The following ITGA8 variants were observed in gnomAD, a reference collection of about 807,000 sequenced individuals.
ITGA8 encodes the protein integrin alpha-8.
Under a neutral mutation model 142.3 loss-of-function variants are expected in ITGA8, and 91 were observed. The observed-to-expected ratio is 0.64, with a 90% confidence interval of 0.54 to 0.76. The LOEUF is 0.76. Among genes scored for constraint, ITGA8 ranks in the 30% least tolerant of loss-of-function variants. The pLI is 0.00. For missense variants in ITGA8, 1,406 were observed against 1,327.7 expected (o/e 1.06, Z -0.92); for synonymous variants, 505 against 485.2 (o/e 1.04, Z -0.54).
chr10:15,623,856 T>C (rs1471263280), intron 13 of ITGA8, among the ~76,000 whole-genome samples: 2 of 152,096 alleles, frequency 1.3e-5, no homozygotes, highest in African/African-American at 2.4e-5. Context: ...ACCCATGCTG[T>C]TTTGTAGCCA....
At chr10:15,705,162 G>A (rs1393615191) in intron 2 of ITGA8, among the ~76,000 whole-genome samples, 1 of 152,018 alleles carries the variant, frequency 6.6e-6, no homozygotes, top group Non-Finnish European at 1.5e-5. Context: ...AAACAGGTAG[G>A]GCCATGCTAT....
At chr10:15,712,666 G>A (rs1280350558) in intron 2 of ITGA8, among the ~76,000 whole-genome samples, 1 of 152,056 alleles carries the variant, frequency 6.6e-6, no homozygotes, top group African/African-American at 2.4e-5. Flanking sequence ...GTATCCATCA[G>A]GGCACCCCTG....
chr10:15,627,548 T>A (rs1833608008), intron 13 of ITGA8, among the ~76,000 whole-genome samples: 1 of 152,188 alleles, frequency 6.6e-6, no homozygotes, highest in African/African-American at 2.4e-5. Context: ...GAGCATCACA[T>A]GAACAATGCT....
rs148015670 is a variant in ITGA8, at chr10:15,646,907, C to G, written c.1146G>C (p.Thr382=). 12 of 1,614,086 alleles carry G rather than the reference C, an allele frequency of 7.4e-6. No homozygotes were observed. In the East Asian group the frequency reaches 2.5e-4, roughly 33 times the overall value. The change falls in exon 12 of 30, where the codon ACG becomes ACC. Residue 382 remains threonine (T), a synonymous_variant. Coordinates refer to ENST00000378076, the MANE Select transcript of ITGA8 (RefSeq NM_003638.3). ...CCATAGCACTACCGAATCTCCCAAA[C>G]GTCTCGGTGCCAGTGAGGATCTGGG... ...RDPQILTGTE[T]FGRFGSAMAH...
chr10:15,589,521 A>G (rs1452399084), intron 22 of ITGA8, among the ~76,000 whole-genome samples: 1 of 152,214 alleles, frequency 6.6e-6, no homozygotes, highest in Admixed American at 6.5e-5. Context: ...CTTGACTTCT[A>G]TTTGTGGAAA....
At chr10:15,575,765 A>G (rs1437491248) in intron 23 of ITGA8, among the ~76,000 whole-genome samples, 171 bp from the exon 24 acceptor site, 1 of 152,236 alleles carries the variant, frequency 6.6e-6, no homozygotes, top group Non-Finnish European at 1.5e-5. Context: ...GACTACAGTG[A>G]CAGTGAAGGA....
intron 1 of ITGA8, 46 bp from the exon 2 acceptor site, chr10:15,718,945 G>A (rs543307251): frequency 6.2e-6 from 10 of 1,612,990 alleles, no homozygotes; most frequent in South Asian, 1.1e-5. Context: ...CCACAAAACC[G>A]TGCGCATGCA....
chr10:15,674,962 A>G (rs1019840226), intron 6 of ITGA8, among the ~76,000 whole-genome samples: 1 of 151,684 alleles, frequency 6.6e-6, no homozygotes, highest in East Asian at 1.9e-4. Context: ...TCATAAATCT[A>G]TCTCTCCTGG....
At chr10:15,701,716 A>G (rs1233247206) in intron 2 of ITGA8, among the ~76,000 whole-genome samples, 1 of 152,212 alleles carries the variant, frequency 6.6e-6, no homozygotes, top group African/African-American at 2.4e-5. Flanking sequence ...AACTATTTAT[A>G]AAGCCCCTGA....
intron 13 of ITGA8, among the ~76,000 whole-genome samples, chr10:15,635,019 T>C (rs1289057997): frequency 6.8e-6 from 1 of 147,618 alleles, no homozygotes; most frequent in Non-Finnish European, 1.5e-5. Context: ...TTTTTTTTTT[T>C]TTTTTGGAGA....
At chr10:15,662,326 C>CTTTTTTTT (rs200922550) in intron 8 of ITGA8, among the ~76,000 whole-genome samples, 27 of 72,722 alleles carry the variant, frequency 3.7e-4, no homozygotes, top group East Asian at 1.4e-3. Flanking sequence ...TCAGAAGGTC[C>CTTTTTTTT]TTTTTTTTTT....
intron 25 of ITGA8, among the ~76,000 whole-genome samples, chr10:15,571,735 G>A (rs1834186612): frequency 6.6e-6 from 1 of 152,228 alleles, no homozygotes; most frequent in Non-Finnish European, 1.5e-5. Context: ...ATAGGGTCCA[G>A]AACATTCCTT....
Position 15,718,601 on chromosome 10 carries a change from G to A in ITGA8, c.343+165C>T, listed in dbSNP as rs533519914. Among the ~76,000 whole-genome samples, 6 of 152,290 alleles carry A rather than the reference G, an allele frequency of 3.9e-5. No individual in the cohort carries two copies. In the South Asian group the frequency reaches 1.0e-3, roughly 26 times the overall value. On this transcript the variant is annotated intron_variant, in intron 2 of 29. Transcript: ENST00000378076. ...ACTAAACGTCTTCCTTCAGTTAACT[G>A]AGAGTTGAAAAAACTGATTTCTCTA...
At chr10:15,544,131 T>TA (rs150671479) in intron 27 of ITGA8, among the ~76,000 whole-genome samples, 1 of 151,920 alleles carries the variant, frequency 6.6e-6, no homozygotes, top group Admixed American at 6.6e-5. Context: ...ATAATCTCTA[T>TA]AAAAAATAAT....
Position 15,671,672 on chromosome 10 carries a change from C to G in ITGA8, c.803-25G>C, listed in dbSNP as rs760549949. 6 of 1,576,100 alleles carry G rather than the reference C, an allele frequency of 3.8e-6. No individual in the cohort carries two copies. In the African/African-American group the frequency reaches 8.1e-5, roughly 21 times the overall value. On this transcript the variant is annotated intron_variant, in intron 7 of 29. Transcript: ENST00000378076. Reference sequence around the variant, plus strand: ...CCTGTTTTAAAGAAAAAGAAACAAACTAATCACACTTAATGACTTAACCTA... The same window carrying G: ...CCTGTTTTAAAGAAAAAGAAACAAAGTAATCACACTTAATGACTTAACCTA...
chr10:15,625,307 T>C (rs1007908261), intron 13 of ITGA8, among the ~76,000 whole-genome samples: 1 of 152,234 alleles, frequency 6.6e-6, no homozygotes, highest in Non-Finnish European at 1.5e-5. Context: ...GTTTTCTGTA[T>C]ATTATTAGCA....
At chr10:15,601,434 A>G (rs1369001932) in intron 20 of ITGA8, among the ~76,000 whole-genome samples, 1 of 152,116 alleles carries the variant, frequency 6.6e-6, no homozygotes, top group Non-Finnish European at 1.5e-5. Flanking sequence ...GCAATGGGGA[A>G]TTATTTTTAA....
At chr10:15,706,911 G>A (rs901882811) in intron 2 of ITGA8, among the ~76,000 whole-genome samples, 1 of 151,980 alleles carries the variant, frequency 6.6e-6, no homozygotes. Flanking sequence ...TATCACTCTT[G>A]CCCCGATTTG....
chr10:15,615,797 A>T (rs942721248), intron 14 of ITGA8, among the ~76,000 whole-genome samples: 4 of 152,110 alleles, frequency 2.6e-5, no homozygotes, highest in Non-Finnish European at 5.9e-5. Flanking sequence ...TATAGGCATG[A>T]GGCACCGTGT....
Sources: allele counts gnomAD v4.1 joint callset (sites outside exome capture counted in the v4.1 genomes callset), GRCh38; gene constraint gnomAD v4.1.1; transcripts MANE v1.5; gene names NCBI Gene and HGNC (gene_info 2026-07-23, HGNC 2026-07-21).